ADAM11: variants seen among roughly 807,000 people sequenced by gnomAD.
The protein encoded by ADAM11 is disintegrin and metalloproteinase domain-containing protein 11.
ADAM11 carries 49 observed loss-of-function variants against 119.1 expected under a neutral mutation model. The ratio of observed to expected loss-of-function variants is 0.41; its 90% confidence interval spans 0.33 to 0.52. The LOEUF (loss-of-function observed/expected upper bound fraction) is 0.52, where lower values mean the gene tolerates loss of function less well. ADAM11 is among the 20% of genes least tolerant of loss of function. The pLI is 0.20. For synonymous variants in ADAM11, 364 were observed against 408.0 expected (o/e 0.89, Z 1.30); for missense variants, 777 against 1,047.5 (o/e 0.74, Z 3.56).
intron 3 of ADAM11, 34 bp from the exon 4 acceptor site, chr17:44,769,948 G>T: frequency 6.2e-7 from 1 of 1,613,480 alleles, no homozygotes; most frequent in Non-Finnish European, 8.5e-7. Context: ...CACCTCGCCC[G>T]TGACCCCCCT....
Position 44,772,266 on chromosome 17 carries a change from GGGACCCCTTCCCCACCTCATTTACC to G in ADAM11, c.552_576del (p.Pro185SerfsTer29). 1 of 1,607,480 alleles carries G rather than the reference GGGACCCCTTCCCCACCTCATTTACC, an allele frequency of 6.2e-7. No individual in the cohort carries two copies. Among genetic ancestry groups the G allele is most frequent in the Non-Finnish European group, 8.5e-7 (1 of 1,176,646 alleles). Reference sequence around the variant, plus strand: ...CAAGAACTAATTTCCCCTCATTGCAGGGACCCCTTCCCCACCTCATTTACCGGACCCCTCTCCTCCCAGATCCCCT... The same window carrying G: ...CAAGAACTAATTTCCCCTCATTGCAGGGACCCCTCTCCTCCCAGATCCCCT... On this transcript the variant is annotated frameshift_variant and splice_region_variant, in exon 7 of 27. Transcript: ENST00000200557. LOFTEE classifies it high-confidence loss of function. The surrounding 1 kb of genome is among the most constrained non-coding windows in gnomAD (Gnocchi z 4.5).
In ADAM11 at chr17:44,776,606, T is replaced by A. The variant is rs755326614; in HGVS notation, c.1567-139T>A. 2 of 1,094,796 alleles carry A rather than the reference T, an allele frequency of 1.8e-6. No homozygotes were observed. The highest frequency in any genetic ancestry group is 2.6e-6 in the Non-Finnish European group (2 of 773,088). 67.8% of individuals were successfully genotyped at this position (1,094,796 alleles called of 1,614,324 possible). On this transcript the variant is annotated intron_variant, in intron 18 of 26. Transcript: ENST00000200557. The surrounding 1 kb of genome is among the most constrained non-coding windows in gnomAD (Gnocchi z 5.2). ...TGGTCTGGGTCCAGAACCAGACAGA[T>A]CGCTTGTCCTAGGCGTGGAAGAGCC...
Position 44,770,028 on chromosome 17 carries a change from G to C in ADAM11, c.361G>C (p.Gly121Arg). Reference protein sequence around the residue: ...QYVERHFSREGTTQHSTGAGD... With the variant: ...QYVERHFSRERTTQHSTGAGD... ...CGTGGAGCGCCACTTCAGCCGGGAG[G>C]GGACAACCCAGCACAGCACCGTGAG... The change falls in exon 4 of 27, where the codon GGG becomes CGG. Residue 121 changes from glycine (G) to arginine (R), a missense_variant. Gly to Arg is a moderately radical substitution (Grantham distance 125, BLOSUM62 -2). Coordinates refer to ENST00000200557, the MANE Select transcript of ADAM11 (RefSeq NM_002390.6). 2 of 1,614,092 alleles carry C rather than the reference G, an allele frequency of 1.2e-6. No individual in the cohort carries two copies. Among genetic ancestry groups the C allele is most frequent in the South Asian group, 2.2e-5 (2 of 91,092 alleles).
rs968490063 is a variant in ADAM11 at position 44,772,066 on chromosome 17, C to T, written c.544-201C>T. Among the ~76,000 whole-genome samples, 1 of 152,164 alleles carries T rather than the reference C, an allele frequency of 6.6e-6. No homozygotes were observed. Among genetic ancestry groups the T allele is most frequent in the Non-Finnish European group, 1.5e-5 (1 of 68,014 alleles). Reference sequence around the variant, plus strand: ...TGACCTCCCATTGGGCTCCAATGTCCTTTGCCCCTGTCTCTCAGGGTGCCC... The same window carrying T: ...TGACCTCCCATTGGGCTCCAATGTCTTTTGCCCCTGTCTCTCAGGGTGCCC... On this transcript the variant is annotated intron_variant, in intron 6 of 26. Transcript: ENST00000200557. The surrounding 1 kb of genome is among the most constrained non-coding windows in gnomAD (Gnocchi z 4.5).
At chr17:44,765,235 G>A (rs1386697178) in intron 2 of ADAM11, among the ~76,000 whole-genome samples, 2 of 146,244 alleles carry the variant, frequency 1.4e-5, no homozygotes, top group African/African-American at 2.5e-5. Context: ...GGTGGGTGGG[G>A]GGTTTCTCCC....
Position 44,772,832 on chromosome 17 carries a change from T to C in ADAM11, c.679-25T>C, listed in dbSNP as rs1480049449. On this transcript the variant is annotated intron_variant, in intron 8 of 26. Coordinates refer to ENST00000200557, the MANE Select transcript of ADAM11 (RefSeq NM_002390.6). The surrounding 1 kb of genome is among the most constrained non-coding windows in gnomAD (Gnocchi z 4.5). ...ATCAGTCAGACATGGAAGGGACTGA[T>C]TCCAAGTGCCCACCCACCCCCCAGG... 1 of 1,609,986 alleles carries C rather than the reference T, an allele frequency of 6.2e-7. No homozygotes were observed. The highest frequency in any genetic ancestry group is 1.3e-5 in the African/African-American group (1 of 74,650).
Position 44,773,016 on chromosome 17 carries a change from C to A in ADAM11, c.756C>A (p.Phe252Leu), listed in dbSNP as rs370255922. 89 of 1,613,962 alleles carry A rather than the reference C, an allele frequency of 5.5e-5. No homozygotes were observed. The South Asian group carries it at 6.0e-4, about 11-fold the overall frequency. Residue 252 changes from phenylalanine to leucine, a missense_variant and splice_region_variant, in exon 10 of 27, where the codon TTC (phenylalanine) becomes TTA (leucine). Phe to Leu is a conservative substitution (Grantham distance 22, BLOSUM62 0). Coordinates refer to ENST00000200557, the MANE Select transcript of ADAM11 (RefSeq NM_002390.6). This position sits in a 1 kb window ranked among gnomAD's most constrained non-coding sequence, Gnocchi z 4.6. Reference sequence around the variant, plus strand: ...CCTCCCATTCTTCTCTCTCCCAGTTCGAGCAGATGCGACAGTCGGTGGTCC... The same window carrying A: ...CCTCCCATTCTTCTCTCTCCCAGTTAGAGCAGATGCGACAGTCGGTGGTCC... ...ELIVINDHQL[F>L]EQMRQSVVLT...
chr17:44,776,731 C>T lies in ADAM11; in HGVS notation c.1567-14C>T. On this transcript the variant is annotated splice_polypyrimidine_tract_variant and intron_variant, in intron 18 of 26. Transcript: ENST00000200557. This position sits in a 1 kb window ranked among gnomAD's most constrained non-coding sequence, Gnocchi z 5.2. The stretch of plus-strand genomic sequence containing the variant: ...CTGGGACTGCTCCGCTCAACCCCAC[C>T]CCTCTCTCCACAGTGCCCGCCTAAC... 6.2e-7 allele frequency: 1 copy of T among 1,613,974 alleles called. No homozygotes were observed. The highest frequency in any genetic ancestry group is 8.5e-7 in the Non-Finnish European group (1 of 1,179,956).
chr17:44,777,599 C>A lies in ADAM11; in HGVS notation c.1899C>A (p.Cys633Ter). The A allele has an allele frequency of 6.2e-7, 1 of 1,614,112 alleles. No individual in the cohort carries two copies. The highest frequency in any genetic ancestry group is 8.5e-7 in the Non-Finnish European group (1 of 1,179,994). The change falls in exon 22 of 27, where the codon TGC becomes TGA. Residue 633 changes from cysteine (C) to a stop codon, truncating the protein, a stop_gained and splice_region_variant. Coordinates refer to ENST00000200557, the MANE Select transcript of ADAM11 (RefSeq NM_002390.6). LOFTEE classifies it high-confidence loss of function. The surrounding 1 kb of genome is among the most constrained non-coding windows in gnomAD (Gnocchi z 5.1). ...ACCACCAGGGCAAGGAGCTGGACTG[C>A]AGGTGCTGGCCAGGACCAAGACTAG... ...TFYHQGKELDCRGGHVQLADG... is the reference protein window; with the variant it reads ...TFYHQGKELD
chr17:44,769,640 T>G, intron 2 of ADAM11, 78 bp from the exon 3 acceptor site: 2 of 901,226 alleles, frequency 2.2e-6, no homozygotes, highest in Non-Finnish European at 3.6e-6. Flanking sequence ...CCAGGGCTAC[T>G]GTTGCTCCCG....
At chr17:44,766,144 G>A (rs950730056) in intron 2 of ADAM11, among the ~76,000 whole-genome samples, 5 of 152,200 alleles carry the variant, frequency 3.3e-5, no homozygotes, top group South Asian at 2.1e-4. Context: ...GGTGGAGGGC[G>A]CCAGAGCCCT....
At position 44,777,373 on chromosome 17, in the gene ADAM11, C is replaced by T. The variant is rs936484162; in HGVS notation, c.1781+108C>T. 23 of 1,517,914 alleles carry T rather than the reference C, an allele frequency of 1.5e-5. No individual in the cohort carries two copies. Among genetic ancestry groups the T allele is most frequent in the African/African-American group, 1.2e-4 (9 of 73,104 alleles). The allele number at this position is 1,517,914 out of a possible 1,614,324, so 94.0% of individuals were successfully genotyped here. On this transcript the variant is annotated intron_variant, in intron 21 of 26. Coordinates refer to ENST00000200557, the MANE Select transcript of ADAM11 (RefSeq NM_002390.6). This position sits in a 1 kb window ranked among gnomAD's most constrained non-coding sequence, Gnocchi z 5.1. ...GGAGGAGCCTGTCAGTCCCAATGGG[C>T]GGGCACGTGGCAAATGAGGTGGCAG... is the stretch of plus-strand genomic sequence containing the variant.
At chr17:44,770,505 C>CA (rs2049510705) in intron 4 of ADAM11, among the ~76,000 whole-genome samples, 1 of 148,084 alleles carries the variant, frequency 6.8e-6, no homozygotes, top group Non-Finnish European at 1.5e-5. Context: ...CCCCCGCCCC[C>CA]ACTGCCTGTT....
At chr17:44,774,109 G>GAA (rs1425625097) in intron 11 of ADAM11, among the ~76,000 whole-genome samples, 186 bp from the exon 12 acceptor site, 2 of 150,078 alleles carry the variant, frequency 1.3e-5, no homozygotes, top group South Asian at 2.1e-4. Flanking sequence ...AAAAGAAAAA[G>GAA]AAAGAAAAAA....
At position 44,772,130 on chromosome 17, in the gene ADAM11, A is replaced by G; in HGVS notation, c.544-137A>G. On this transcript the variant is annotated intron_variant, in intron 6 of 26. Transcript: ENST00000200557. This position sits in a 1 kb window ranked among gnomAD's most constrained non-coding sequence, Gnocchi z 4.5. Reference sequence around the variant, plus strand: ...CCGGAATCTGAGCATCTGGGAGATCAGATCCGACATGGGAGCTGTGGCCAG... The same window carrying G: ...CCGGAATCTGAGCATCTGGGAGATCGGATCCGACATGGGAGCTGTGGCCAG... 2 of 878,836 alleles carry G rather than the reference A, an allele frequency of 2.3e-6. No individual in the cohort carries two copies. Among genetic ancestry groups the G allele is most frequent in the Non-Finnish European group, 3.5e-6 (2 of 572,674 alleles). The allele number at this position is 878,836 out of a possible 1,614,324, so 54.4% of individuals were successfully genotyped here.
rs575914213 is a variant in ADAM11 at position 44,771,530 on chromosome 17, A to G, written c.382-54A>G. On this transcript the variant is annotated intron_variant, in intron 4 of 26. Coordinates refer to ENST00000200557, the MANE Select transcript of ADAM11 (RefSeq NM_002390.6). ...TGTCCCCCAAAAAGCCTTGAGGCCC[A>G]TTGGCTGCCCCCGGCCTCATGCCAG... The G allele has an allele frequency of 5.7e-6, 9 of 1,574,548 alleles. No individual in the cohort carries two copies. In the African/African-American group the frequency reaches 9.5e-5, roughly 17 times the overall value.
In ADAM11 at chr17:44,773,761, A is replaced by G. The variant is rs1227709254; in HGVS notation, c.992+334A>G. ...TAATAAAAGGGCCTTGCAACTAGAGATGGTCTACTGGGAGCCTCTCCTTTG... is the reference window on the plus strand; with the variant it reads ...TAATAAAAGGGCCTTGCAACTAGAGGTGGTCTACTGGGAGCCTCTCCTTTG... On this transcript the variant is annotated intron_variant, in intron 11 of 26. Transcript: ENST00000200557. The surrounding 1 kb of genome is among the most constrained non-coding windows in gnomAD (Gnocchi z 4.6). Among the ~76,000 whole-genome samples, 1 of 152,170 alleles carries G rather than the reference A, an allele frequency of 6.6e-6. No individual in the cohort carries two copies. The highest frequency in any genetic ancestry group is 1.9e-4 in the East Asian group (1 of 5,184).
In ADAM11 at chr17:44,773,026, C is replaced by T. The variant is rs776824342; in HGVS notation, c.766C>T (p.Arg256Ter). The change falls in exon 10 of 27, where the codon CGA (arginine) becomes TGA (stop). Residue 256 changes from arginine (R) to a stop codon, truncating the protein, a stop_gained. Transcript: ENST00000200557. LOFTEE classifies it high-confidence loss of function. This position sits in a 1 kb window ranked among gnomAD's most constrained non-coding sequence, Gnocchi z 4.6. ...TTCTCTCTCCCAGTTCGAGCAGATG[C>T]GACAGTCGGTGGTCCTCACCAGCAA... ...INDHQLFEQM[R>*]QSVVLTSNFA... 1.2e-6 allele frequency: 2 copies of T among 1,614,076 alleles called. No individual in the cohort carries two copies. Among genetic ancestry groups the T allele is most frequent in the East Asian group, 2.2e-5 (1 of 44,886 alleles).
In ADAM11 at chr17:44,776,029, G is replaced by A. The variant is rs934100084; in HGVS notation, c.1486-98G>A. ...TGAAACGGGGCCCTGGGGAGCTGGAGGGCCCGGGGATGTGGGGGTCCAGAG... is the reference window on the plus strand; with the variant it reads ...TGAAACGGGGCCCTGGGGAGCTGGAAGGCCCGGGGATGTGGGGGTCCAGAG... On this transcript the variant is annotated intron_variant, in intron 17 of 26. Coordinates refer to ENST00000200557, the MANE Select transcript of ADAM11 (RefSeq NM_002390.6). This position sits in a 1 kb window ranked among gnomAD's most constrained non-coding sequence, Gnocchi z 5.2. The A allele has an allele frequency of 5.0e-6, 7 of 1,398,800 alleles. No homozygotes were observed. Among genetic ancestry groups the A allele is most frequent in the Non-Finnish European group, 7.0e-6 (7 of 999,272 alleles). 86.6% of individuals were successfully genotyped at this position (1,398,800 alleles called of 1,614,324 possible). A position where few individuals can be genotyped will look rare whatever the true frequency, so the allele number is the denominator to read the frequency against.
Sources: allele counts gnomAD v4.1 joint callset (sites outside exome capture counted in the v4.1 genomes callset), GRCh38; gene constraint gnomAD v4.1.1; non-coding constraint Gnocchi (gnomAD v3.1); transcripts MANE v1.5; gene names NCBI Gene and HGNC (gene_info 2026-07-23, HGNC 2026-07-21).